SPTBN1: variants seen among roughly 807,000 people sequenced by gnomAD.
SPTBN1 encodes the protein spectrin beta chain, non-erythrocytic 1.
Under a neutral mutation model 266.4 loss-of-function variants are expected in SPTBN1, and 32 were observed. The ratio of observed to expected loss-of-function variants is 0.12; its 90% CI spans 0.09 to 0.16. The LOEUF (loss-of-function observed/expected upper bound fraction) is 0.16. Among genes scored for constraint, SPTBN1 ranks in the 10% least tolerant of loss-of-function variants. SPTBN1 has a pLI of 1.00. For missense variants in SPTBN1, 2,296 were observed against 3,067.1 expected (o/e 0.75, Z 5.94); for synonymous variants, 1,336 against 1,162.2 (o/e 1.15, Z -3.04).
chr2:54,665,797 G>A, intron 33 of SPTBN1, 118 bp from the exon 34 acceptor site: 1 of 1,186,824 alleles, frequency 8.4e-7, no homozygotes, highest in East Asian at 2.5e-5. Flanking sequence ...GTTGAGGGTT[G>A]GGTGGGGTCA....
rs551625469 is a variant in SPTBN1, at chr2:54,554,323, G to A, written c.148+27757G>A. On this transcript the variant is annotated intron_variant, in intron 2 of 35. Coordinates refer to ENST00000356805, the MANE Select transcript of SPTBN1 (RefSeq NM_003128.3). This position sits in a 1 kb window ranked among gnomAD's most constrained non-coding sequence, Gnocchi z 4.5. ...ACTCACCAGCTGGGGCCCTGGGCAA[G>A]GCACTGTATTTCTGTGAACCTCAGC... 3.9e-5 allele frequency among the ~76,000 whole-genome samples: 6 copies of A among 152,326 alleles called. No individual in the cohort carries two copies. Among genetic ancestry groups the A allele is most frequent in the Admixed American group, 2.0e-4 (3 of 15,312 alleles).
chr2:54,660,694 T>C (rs1680975985), intron 32 of SPTBN1: 1 of 985,494 alleles, frequency 1.0e-6, no homozygotes, highest in Non-Finnish European at 1.2e-6. Context: ...CATTTATTAC[T>C]TTTTACAAAC....
At position 54,617,737 on chromosome 2, in the gene SPTBN1, T is replaced by C. The variant is rs190941987; in HGVS notation, c.647+49T>C. Reference sequence around the variant, plus strand: ...GCAATCGTGGGGTAAAAGGTTGCTGTCCTTCCATAGCAGATTTGGGTGACT... The same window carrying C: ...GCAATCGTGGGGTAAAAGGTTGCTGCCCTTCCATAGCAGATTTGGGTGACT... On this transcript the variant is annotated intron_variant, in intron 6 of 35. Transcript: ENST00000356805. 879 of 1,581,316 alleles carry C rather than the reference T, an allele frequency of 5.6e-4. 3 individuals are homozygous for C. The African/African-American group carries it at 0.011, about 20-fold the overall frequency.
intron 2 of SPTBN1, among the ~76,000 whole-genome samples, chr2:54,571,156 A>G (rs1016685405): frequency 6.6e-6 from 1 of 152,040 alleles, no homozygotes; most frequent in African/African-American, 2.4e-5. Flanking sequence ...GTGGAAGGGA[A>G]GTGGCTCAGA....
chr2:54,494,189 T>G (rs907666704), intron 1 of SPTBN1, among the ~76,000 whole-genome samples: 1 of 152,236 alleles, frequency 6.6e-6, no homozygotes, highest in African/African-American at 2.4e-5. Context: ...GTGAATATTT[T>G]AAAAATTACA....
intron 1 of SPTBN1, among the ~76,000 whole-genome samples, chr2:54,507,825 G>A (rs1287952018): frequency 7.0e-6 from 1 of 142,704 alleles, no homozygotes; most frequent in Non-Finnish European, 1.5e-5. Context: ...TTAGCAGTAA[G>A]TCGAGACCTT....
At chr2:54,660,466 CA>C in intron 32 of SPTBN1, 4 of 995,168 alleles carry the variant, frequency 4.0e-6, no homozygotes, top group Non-Finnish European at 4.8e-6. Context: ...GCCGCCTTTA[CA>C]GATGTTATTA....
intron 23 of SPTBN1, 122 bp from the exon 24 acceptor site, chr2:54,647,009 C>T: frequency 3.5e-6 from 5 of 1,432,542 alleles, no homozygotes; most frequent in South Asian, 2.6e-5. Flanking sequence ...CCGTACTGCA[C>T]CTCTGGAGTT....
intron 4 of SPTBN1, 26 bp downstream of exon 4, chr2:54,612,360 C>G: frequency 1.3e-6 from 2 of 1,592,960 alleles, no homozygotes; most frequent in South Asian, 1.1e-5. Flanking sequence ...CAGGGTTGCT[C>G]AGAACTTAGG....
At chr2:54,572,276 C>T (rs1472028000) in intron 2 of SPTBN1, among the ~76,000 whole-genome samples, 2 of 152,120 alleles carry the variant, frequency 1.3e-5, no homozygotes, top group African/African-American at 4.8e-5. Context: ...TTTTAAGATG[C>T]ATTTACACTA....
intron 2 of SPTBN1, among the ~76,000 whole-genome samples, chr2:54,566,112 T>G (rs1673638349): frequency 6.6e-6 from 1 of 151,816 alleles, no homozygotes; most frequent in Admixed American, 6.6e-5. Context: ...CTATCAACTC[T>G]GAAACCCAGC....
At chr2:54,537,556 TG>T (rs958607405) in intron 2 of SPTBN1, among the ~76,000 whole-genome samples, 32 of 152,102 alleles carry the variant, frequency 2.1e-4, no homozygotes, top group Non-Finnish European at 3.8e-4. Flanking sequence ...AGAATTGTGG[TG>T]GGGTGGAGGA....
chr2:54,628,134 T>C lies in SPTBN1; in HGVS notation c.1682T>C (p.Leu561Pro), dbSNP rs1380476937. ...VLSQDYGKHL[L>P]GVEDLLQKHT... is the part of the protein sequence containing the mutation. ...TCTCAAGACTATGGCAAACACTTAC[T>C]TGGTGTGGAAGACCTGTTACAGAAG... The change falls in exon 13 of 36, where the codon CTT becomes CCT. Residue 561 changes from leucine to proline, a missense_variant. By Grantham distance (98) the Leu-to-Pro change is moderately conservative. Around this residue, in one of 12 missense-constraint regions of SPTBN1, gnomAD observed 434 missense variants for 573.9 expected, o/e 0.76. Transcript: ENST00000356805. The surrounding 1 kb of genome is among the most constrained non-coding windows in gnomAD (Gnocchi z 4.3). 6.2e-7 allele frequency: 1 copy of C among 1,614,016 alleles called. No homozygotes were observed.
chr2:54,526,754 C>G lies in SPTBN1; in HGVS notation c.148+188C>G. On this transcript the variant is annotated intron_variant, in intron 2 of 35. Transcript: ENST00000356805. ...TTCCATATTTGGAGAGCTGTCAACT[C>G]TAATGGCCAAAATTATTCAGAGCAC... The G allele has an allele frequency of 7.1e-6, 4 of 567,052 alleles. No individual in the cohort carries two copies. The South Asian group carries it at 1.6e-4, about 23-fold the overall frequency. The allele number at this position is 567,052 out of a possible 1,614,324, so 35.1% of individuals were successfully genotyped here.
At chr2:54,502,312 G>A (rs1324698535) in intron 1 of SPTBN1, among the ~76,000 whole-genome samples, 1 of 152,102 alleles carries the variant, frequency 6.6e-6, no homozygotes, top group Non-Finnish European at 1.5e-5. Context: ...AACGTAGCCT[G>A]TAGTGGGCAG....
intron 2 of SPTBN1, among the ~76,000 whole-genome samples, chr2:54,553,786 T>C (rs143215550): frequency 6.6e-6 from 1 of 152,244 alleles, no homozygotes; most frequent in East Asian, 1.9e-4. Context: ...ACACTGAGTC[T>C]TGATAGTGTC....
intron 1 of SPTBN1, among the ~76,000 whole-genome samples, chr2:54,522,697 G>GAGAAAGAAAGAA (rs1466233306): frequency 2.1e-5 from 2 of 97,268 alleles, no homozygotes; most frequent in African/African-American, 8.3e-5. Flanking sequence ...GAGAGAGAGA[G>GAGAAAGAAAGAA]AGAAAGAAAG....
intron 2 of SPTBN1, among the ~76,000 whole-genome samples, chr2:54,573,306 G>C (rs1233411719): frequency 5.9e-5 from 9 of 152,174 alleles, no homozygotes; most frequent in Admixed American, 5.2e-4. Context: ...TTGGTTTCGT[G>C]ATGAAACTCT....
In SPTBN1 at chr2:54,649,006, A is replaced by G; in HGVS notation, c.5018A>G (p.Gln1673Arg). ...TTCAGTGAGCGCATTAGCATGCGGCAGTCCAAAGTGGATAAACTGTACGCT... is the reference window on the plus strand; with the variant it reads ...TTCAGTGAGCGCATTAGCATGCGGCGGTCCAAAGTGGATAAACTGTACGCT... ...HPESERISMR[Q>R]SKVDKLYAGL... The change falls in exon 25 of 36, where the codon CAG (glutamine) becomes CGG (arginine). Residue 1673 changes from glutamine (Q) to arginine (R), a missense_variant. Gln to Arg is a conservative substitution (Grantham distance 43). Coordinates refer to ENST00000356805, the MANE Select transcript of SPTBN1 (RefSeq NM_003128.3). The surrounding 1 kb of genome is among the most constrained non-coding windows in gnomAD (Gnocchi z 6.7). The G allele has an allele frequency of 1.2e-6, 2 of 1,612,132 alleles. No individual in the cohort carries two copies. The highest frequency in any genetic ancestry group is 1.7e-6 in the Non-Finnish European group (2 of 1,178,582).
Sources: allele counts gnomAD v4.1 joint callset (sites outside exome capture counted in the v4.1 genomes callset), GRCh38; gene constraint gnomAD v4.1.1; regional missense constraint gnomAD v4.1.1; non-coding constraint Gnocchi (gnomAD v3.1); transcripts MANE v1.5; gene names NCBI Gene and HGNC (gene_info 2026-07-23, HGNC 2026-07-21).